MGAT5: variants seen among roughly 807,000 people sequenced by gnomAD.
MGAT5 encodes alpha-1,6-mannosylglycoprotein 6-beta-N-acetylglucosaminyltransferase.
In MGAT5, 30 loss-of-function variants were observed where a neutral mutation model predicts 94.3. The ratio of observed to expected loss-of-function variants is 0.32; its 90% CI spans 0.24 to 0.43. The LOEUF (loss-of-function observed/expected upper bound fraction) is 0.43. MGAT5 is among the 20% of genes least tolerant of loss of function. MGAT5 has a pLI of 1.00. For missense variants in MGAT5, 691 were observed against 905.5 expected (o/e 0.76, Z 3.04); for synonymous variants, 310 against 322.9 (o/e 0.96, Z 0.43).
chr2:134,401,704 A>T (rs1226147247), intron 10 of MGAT5, among the ~76,000 whole-genome samples: 1 of 152,246 alleles, frequency 6.6e-6, no homozygotes, highest in Non-Finnish European at 1.5e-5. Flanking sequence ...ATGGCATGGA[A>T]TTAAACTTTC....
chr2:134,240,442 G>A (rs1261450691), intron 1 of MGAT5, among the ~76,000 whole-genome samples: 1 of 151,954 alleles, frequency 6.6e-6, no homozygotes, highest in African/African-American at 2.4e-5. Context: ...CCTTAAGACG[G>A]AAGAGTGAAA....
intron 10 of MGAT5, among the ~76,000 whole-genome samples, chr2:134,387,862 C>T (rs919609741): frequency 6.6e-6 from 1 of 152,122 alleles, no homozygotes; most frequent in African/African-American, 2.4e-5. Flanking sequence ...TGGGAATTTG[C>T]CTCTCAACAG....
At chr2:134,217,963 A>G (rs1680578921) in intron 1 of MGAT5, among the ~76,000 whole-genome samples, 1 of 152,236 alleles carries the variant, frequency 6.6e-6, no homozygotes, top group Non-Finnish European at 1.5e-5. Flanking sequence ...CAGATGATGT[A>G]CATAGGGGGA....
chr2:134,217,294 T>G (rs574729205), intron 1 of MGAT5, among the ~76,000 whole-genome samples: 1 of 146,964 alleles, frequency 6.8e-6, no homozygotes, highest in East Asian at 2.0e-4. Context: ...TGTGTTTTTG[T>G]AGCTGAAAGG....
chr2:134,135,443 C>A (rs531028323), intron 1 of MGAT5, among the ~76,000 whole-genome samples: 1 of 152,124 alleles, frequency 6.6e-6, no homozygotes, highest in Admixed American at 6.5e-5. Context: ...CCTGTAATCC[C>A]AGCACTTTGG....
chr2:134,203,536 C>T (rs1298735472), intron 1 of MGAT5, among the ~76,000 whole-genome samples: 1 of 151,878 alleles, frequency 6.6e-6, no homozygotes, highest in Non-Finnish European at 1.5e-5. Flanking sequence ...ATTCTGAAAT[C>T]CTAGCACTCC....
At chr2:134,331,453 G>A (rs1184781184) in intron 4 of MGAT5, among the ~76,000 whole-genome samples, 6 of 152,076 alleles carry the variant, frequency 3.9e-5, no homozygotes, top group African/African-American at 9.7e-5. Context: ...CTCCTCAATC[G>A]ATTGTTGTGT....
chr2:134,357,532 T>C (rs991557768), intron 9 of MGAT5, among the ~76,000 whole-genome samples: 2 of 152,202 alleles, frequency 1.3e-5, no homozygotes, highest in East Asian at 3.8e-4. Flanking sequence ...CCATGTACAA[T>C]TTTATTTTTA....
chr2:134,217,887 C>T (rs764377142), intron 1 of MGAT5, among the ~76,000 whole-genome samples: 1 of 152,146 alleles, frequency 6.6e-6, no homozygotes, highest in Non-Finnish European at 1.5e-5. Flanking sequence ...TTATGCCTTG[C>T]CCTTTCCTTA....
rs116897172 is a variant in MGAT5 at position 134,176,824 on chromosome 2, A to G, written c.-143+56533A>G. On this transcript the variant is annotated intron_variant, in intron 1 of 16. Transcript: ENST00000409645. The stretch of plus-strand genomic sequence containing the variant: ...GCAGGCTCCCCTTGGAGTGGCACTG[A>G]CCTTTGAGAGGTGGGTCTCAGCTCT... 7.1e-4 allele frequency among the ~76,000 whole-genome samples: 108 copies of G among 152,206 alleles called. 2 individuals carry two copies. The East Asian group carries it at 0.02, about 28-fold the overall frequency.
intron 5 of MGAT5, among the ~76,000 whole-genome samples, chr2:134,336,913 C>CTCCATAGA (rs1688366682): frequency 6.6e-6 from 1 of 152,166 alleles, no homozygotes; most frequent in South Asian, 2.1e-4. Flanking sequence ...TAAGTCTTTA[C>CTCCATAGA]TCTTTAGACC....
chr2:134,412,680 C>G (rs144615084), intron 11 of MGAT5, among the ~76,000 whole-genome samples, 189 bp from the exon 12 acceptor site: 111 of 152,110 alleles, frequency 7.3e-4, no homozygotes, highest in Non-Finnish European at 2.9e-4. Flanking sequence ...TTTAAAAGTT[C>G]GTAGTTTTTC....
At chr2:134,121,676 C>T (rs576155970) in intron 1 of MGAT5, among the ~76,000 whole-genome samples, 2 of 152,330 alleles carry the variant, frequency 1.3e-5, no homozygotes, top group Admixed American at 1.3e-4. Flanking sequence ...GGGGCAAACT[C>T]AGTTGTGTGT....
chr2:134,419,985 G>C (rs901777536), intron 12 of MGAT5, among the ~76,000 whole-genome samples: 1 of 152,182 alleles, frequency 6.6e-6, no homozygotes, highest in Admixed American at 6.5e-5. Flanking sequence ...CATAAATTCA[G>C]TCCTGAATTT....
intron 1 of MGAT5, among the ~76,000 whole-genome samples, chr2:134,152,222 T>TATGGGACCCGCTTACCACC (rs541674057): frequency 5.4e-4 from 76 of 139,952 alleles, no homozygotes; most frequent in Admixed American, 1.3e-3. Flanking sequence ...ACTCACACCC[T>TATGGGACCCGCTTACCACC]ATGGGACCCG....
In MGAT5 at chr2:134,132,369, A is replaced by G. The variant is rs532248451; in HGVS notation, c.-143+12078A>G. Among the ~76,000 whole-genome samples, 121 of 152,356 alleles carry G rather than the reference A, an allele frequency of 7.9e-4. 1 individual carries two copies. In the South Asian group the frequency reaches 0.013, roughly 16 times the overall value. On this transcript the variant is annotated intron_variant, in intron 1 of 16. Transcript: ENST00000409645. Reference sequence around the variant, plus strand: ...GACCCCACCCTGGAGTAAGAAATACATGCTGAATCAGAGCTCACATATGGA... The same window carrying G: ...GACCCCACCCTGGAGTAAGAAATACGTGCTGAATCAGAGCTCACATATGGA...
chr2:134,415,116 G>A (rs1385180579), intron 12 of MGAT5, among the ~76,000 whole-genome samples: 2 of 152,162 alleles, frequency 1.3e-5, no homozygotes, highest in East Asian at 3.8e-4. Flanking sequence ...GATTTTAACT[G>A]CTTTGGATAT....
chr2:134,267,343 T>C (rs1184144496), intron 1 of MGAT5, among the ~76,000 whole-genome samples: 5 of 152,210 alleles, frequency 3.3e-5, no homozygotes, highest in Admixed American at 2.6e-4. Context: ...AAGAGGGGCA[T>C]AGGGATGATC....
chr2:134,389,490 A>T (rs566084760), intron 10 of MGAT5, among the ~76,000 whole-genome samples: 14 of 152,296 alleles, frequency 9.2e-5, no homozygotes, highest in African/African-American at 3.1e-4. Context: ...GTTTAGCCTC[A>T]GCCTCTGTGC....
Sources: allele counts gnomAD v4.1 joint callset (sites outside exome capture counted in the v4.1 genomes callset), GRCh38; gene constraint gnomAD v4.1.1; transcripts MANE v1.5; gene names NCBI Gene and HGNC (gene_info 2026-07-23, HGNC 2026-07-21).